The following ARHGAP42 variants were observed in gnomAD, a reference collection of about 807,000 sequenced individuals.
The protein encoded by ARHGAP42 is rho GTPase-activating protein 42.
A neutral mutation model predicts 125.0 loss-of-function variants in ARHGAP42; 63 were observed. The observed-to-expected ratio is 0.50, with a 90% CI of 0.41 to 0.62. The LOEUF is 0.62. Ranked by LOEUF, ARHGAP42 falls within the 20% of genes least tolerant of loss-of-function variation. The probability of loss-of-function intolerance (pLI) is 0.00; values close to 1 mark genes in which losing one functional copy is unlikely to be tolerated. For missense variants in ARHGAP42, 766 were observed against 1,024.2 expected, an observed-to-expected ratio of 0.75 and a Z score of 3.44; for synonymous variants, 339 against 351.0, an observed-to-expected ratio of 0.97 and a Z score of 0.38.
Position 100,973,342 on chromosome 11 carries a change from G to A in ARHGAP42, c.1710+8G>A. Reference sequence around the variant, plus strand: ...ATAGAGCACTATGAAAAGGTAGGCGGAATTTTCATGTGGAAGTGTCAAGTT... The same window carrying A: ...ATAGAGCACTATGAAAAGGTAGGCGAAATTTTCATGTGGAAGTGTCAAGTT... On this transcript the variant is annotated splice_region_variant and intron_variant, in intron 18 of 23. Coordinates refer to ENST00000298815, the MANE Select transcript of ARHGAP42 (RefSeq NM_152432.4). The A allele has an allele frequency of 1.9e-6, 3 of 1,547,352 alleles. No homozygotes were observed. The highest frequency in any genetic ancestry group is 2.6e-6 in the Non-Finnish European group (3 of 1,145,714).
At chr11:100,907,687 AGCAACTG>A (rs750019317) in intron 4 of ARHGAP42, among the ~76,000 whole-genome samples, 17 of 152,214 alleles carry the variant, frequency 1.1e-4, no homozygotes, top group Admixed American at 2.0e-4. Flanking sequence ...GGACTGTGCT[AGCAACTG>A]GCCCTTCTGG....
intron 4 of ARHGAP42, among the ~76,000 whole-genome samples, chr11:100,878,655 A>G (rs899194981): frequency 3.9e-5 from 6 of 152,214 alleles, no homozygotes; most frequent in Admixed American, 3.9e-4. Flanking sequence ...CCCAGGGGAC[A>G]TGCGGAGATT....
intron 1 of ARHGAP42, among the ~76,000 whole-genome samples, chr11:100,694,285 G>A (rs1426183137): frequency 6.6e-6 from 1 of 151,934 alleles, no homozygotes; most frequent in Non-Finnish European, 1.5e-5. Context: ...ATGGAGAGTG[G>A]CAAATCTTTT....
chr11:100,730,812 T>A (rs1359714798), intron 1 of ARHGAP42, among the ~76,000 whole-genome samples: 1 of 152,210 alleles, frequency 6.6e-6, no homozygotes, highest in Non-Finnish European at 1.5e-5. Flanking sequence ...GGCTATATGA[T>A]AAAGCCCATT....
chr11:100,811,146 G>T (rs1485479375), intron 3 of ARHGAP42, among the ~76,000 whole-genome samples: 1 of 152,080 alleles, frequency 6.6e-6, no homozygotes, highest in East Asian at 1.9e-4. Context: ...AGTAGAGATG[G>T]GGTTTGACCA....
chr11:100,978,963 C>T (rs754728769), intron 21 of ARHGAP42, 24 bp from the exon 22 acceptor site: 534 of 1,550,706 alleles, frequency 3.4e-4, no homozygotes, highest in Non-Finnish European at 4.6e-4. Context: ...CTTCATGAAA[C>T]TTGCATTTTA....
chr11:100,743,603 T>C (rs949137244), intron 1 of ARHGAP42, among the ~76,000 whole-genome samples: 1 of 152,210 alleles, frequency 6.6e-6, no homozygotes, highest in Non-Finnish European at 1.5e-5. Context: ...TGGATTTGGA[T>C]GCCTAGATCT....
rs557934547 is a variant in ARHGAP42, at chr11:100,943,871, T to C, written c.1043+3T>C. 48 of 1,528,648 alleles carry C rather than the reference T, an allele frequency of 3.1e-5. No individual in the cohort carries two copies. In the South Asian group the frequency reaches 5.7e-4, roughly 18 times the overall value. The allele number at this position is 1,528,648 out of a possible 1,614,324, so 94.7% of individuals were successfully genotyped here. ...TTTGACATAGAAGTAGTTGAAAGGT[T>C]TGAGCTGTTCTTTTCACTTTATTTT... On this transcript the variant is annotated splice_donor_region_variant and intron_variant, in intron 10 of 23. Coordinates refer to ENST00000298815, the MANE Select transcript of ARHGAP42 (RefSeq NM_152432.4).
chr11:100,992,336 G>A lies in ARHGAP42; in HGVS notation c.*3535G>A, dbSNP rs954407929. 18 of 1,610,430 alleles carry A rather than the reference G, an allele frequency of 1.1e-5. No individual in the cohort carries two copies. The highest frequency in any genetic ancestry group is 5.5e-5 in the South Asian group (5 of 90,346). ...GACCTCACATCACTGCGTAGGACCC[G>A]GAAATCACATCTCCTGGTCAGGTCA... On this transcript the variant is annotated 3_prime_UTR_variant, in exon 24 of 24. Transcript: ENST00000298815.
At chr11:100,754,767 G>C (rs1236474657) in intron 1 of ARHGAP42, among the ~76,000 whole-genome samples, 4 of 152,102 alleles carry the variant, frequency 2.6e-5, no homozygotes, top group African/African-American at 9.7e-5. Context: ...TGCCCAATAA[G>C]AGTAATCACT....
At chr11:100,888,232 C>CT (rs199640110) in intron 4 of ARHGAP42, among the ~76,000 whole-genome samples, 10 of 128,006 alleles carry the variant, frequency 7.8e-5, no homozygotes, top group Admixed American at 2.7e-4. Flanking sequence ...ACAGCCTTTC[C>CT]TTTTAAAAAA....
chr11:100,980,559 C>CTTCTTTTTT (rs1555037006), intron 22 of ARHGAP42, among the ~76,000 whole-genome samples: 2,062 of 51,930 alleles, frequency 0.04, 400 homozygotes, highest in Non-Finnish European at 0.061. Flanking sequence ...TTTTCTTCTT[C>CTTCTTTTTT]TTTTTTTTTT....
chr11:100,740,651 A>G (rs1052646998), intron 1 of ARHGAP42, among the ~76,000 whole-genome samples: 1 of 152,116 alleles, frequency 6.6e-6, no homozygotes, highest in South Asian at 2.1e-4. Flanking sequence ...TGGTTCCTGA[A>G]AGTGAAGGGG....
At chr11:100,952,593 T>A (rs1857687720) in intron 12 of ARHGAP42, among the ~76,000 whole-genome samples, 1 of 152,106 alleles carries the variant, frequency 6.6e-6, no homozygotes, top group East Asian at 1.9e-4. Context: ...CACTACCCTG[T>A]TGAAAAGTCA....
intron 1 of ARHGAP42, among the ~76,000 whole-genome samples, chr11:100,762,612 A>G (rs1370227668): frequency 6.6e-6 from 1 of 152,224 alleles, no homozygotes; most frequent in Non-Finnish European, 1.5e-5. Flanking sequence ...TTAGGCATGT[A>G]TATAAAACAG....
chr11:100,721,489 T>TC (rs1861757478), intron 1 of ARHGAP42, among the ~76,000 whole-genome samples: 1 of 150,358 alleles, frequency 6.7e-6, no homozygotes, highest in Non-Finnish European at 1.5e-5. Context: ...CTTTTTTTTT[T>TC]GGAGGCGGAG....
intron 23 of ARHGAP42, among the ~76,000 whole-genome samples, chr11:100,987,843 A>AAATAAATT (rs879298050): frequency 1.4e-4 from 21 of 146,420 alleles, no homozygotes; most frequent in Admixed American, 4.1e-4. Context: ...ATAAATAAAT[A>AAATAAATT]AATAGGCCAG....
At chr11:100,698,478 G>C (rs1861329424) in intron 1 of ARHGAP42, among the ~76,000 whole-genome samples, 1 of 151,970 alleles carries the variant, frequency 6.6e-6, no homozygotes, top group Non-Finnish European at 1.5e-5. Context: ...CTTAAAAAAA[G>C]GTCATTTTCC....
At chr11:100,851,589 A>G (rs1042016623) in intron 3 of ARHGAP42, among the ~76,000 whole-genome samples, 1 of 152,160 alleles carries the variant, frequency 6.6e-6, no homozygotes, top group African/African-American at 2.4e-5. Flanking sequence ...TGGTTTATGT[A>G]TTACTATACT....
Sources: gnomAD v4.1 joint callset for allele counts (sites outside exome capture counted in the v4.1 genomes callset) on GRCh38, gnomAD v4.1.1 for gene constraint, MANE v1.5 for transcripts, NCBI Gene and HGNC (gene_info 2026-07-23, HGNC 2026-07-21) for gene names.